RABGAP1L: variants seen among roughly 807,000 people sequenced by gnomAD.
RABGAP1L encodes the protein RAB GTPase activating protein 1 like.
Under a neutral mutation model 137.7 loss-of-function variants are expected in RABGAP1L, and 63 were observed. The ratio of observed to expected loss-of-function variants is 0.46; its 90% confidence interval spans 0.37 to 0.56. The LOEUF (loss-of-function observed/expected upper bound fraction) is 0.56. Ranked by LOEUF, RABGAP1L falls within the 20% of genes least tolerant of loss-of-function variation. The pLI, the probability that RABGAP1L is intolerant of heterozygous loss-of-function variation, is 0.00. For missense variants in RABGAP1L, 1,095 were observed against 1,244.0 expected (o/e 0.88, Z 1.80); for synonymous variants, 431 against 433.7 (o/e 0.99, Z 0.08).
intron 24 of RABGAP1L, among the ~76,000 whole-genome samples, chr1:174,988,105 G>T (rs1263598498): frequency 6.6e-6 from 1 of 152,174 alleles, no homozygotes; most frequent in Non-Finnish European, 1.5e-5. Context: ...CACCAGGCCC[G>T]GCCGGAGTTA....
At chr1:174,457,210 G>T (rs142586022) in intron 13 of RABGAP1L, among the ~76,000 whole-genome samples, 16 of 152,222 alleles carry the variant, frequency 1.1e-4, no homozygotes, top group African/African-American at 3.4e-4. Flanking sequence ...GGATACCACA[G>T]GATATTTGAG....
At chr1:174,273,743 G>T (rs950768073) in intron 8 of RABGAP1L, among the ~76,000 whole-genome samples, 2 of 152,028 alleles carry the variant, frequency 1.3e-5, no homozygotes, top group African/African-American at 2.4e-5. Context: ...TTACTGCAGA[G>T]ATTTGTCCAT....
chr1:174,880,077 A>G lies in RABGAP1L; in HGVS notation c.2340+68117A>G, dbSNP rs1023381065. 1.2e-3 allele frequency among the ~76,000 whole-genome samples: 133 copies of G among 114,374 alleles called. 2 individuals are homozygous for G. The East Asian group carries it at 0.018, about 16-fold the overall frequency. The allele number at this position is 114,374 out of a possible 152,430, so 75.0% of individuals were successfully genotyped here. A position where few individuals can be genotyped will look rare whatever the true frequency, so the allele number is the denominator to read the frequency against. ...AAGACTCTGTCTCAAAAAAAAAAAA[A>G]GGAAAAAAAAACACCATAATATCTT... On this transcript the variant is annotated intron_variant, in intron 19 of 25. Transcript: ENST00000681986.
At chr1:174,846,691 A>C (rs1028577464) in intron 19 of RABGAP1L, among the ~76,000 whole-genome samples, 2 of 78,078 alleles carry the variant, frequency 2.6e-5, no homozygotes, top group African/African-American at 6.2e-5. Flanking sequence ...TGCTGAAAAA[A>C]ATGTATATTC....
chr1:174,616,518 G>A (rs1033641515), intron 13 of RABGAP1L, among the ~76,000 whole-genome samples: 2 of 152,140 alleles, frequency 1.3e-5, no homozygotes, highest in African/African-American at 4.8e-5. Context: ...AATTGGTCAT[G>A]GTCGACCTAG....
intron 19 of RABGAP1L, among the ~76,000 whole-genome samples, chr1:174,946,940 A>ATGTGTGTGTGTGTG (rs755558389): frequency 1.6e-5 from 1 of 60,938 alleles, no homozygotes; most frequent in Non-Finnish European, 2.8e-5. Context: ...ATATATATAT[A>ATGTGTGTGTGTGTG]TGTGTGTGTG....
intron 22 of RABGAP1L, among the ~76,000 whole-genome samples, chr1:174,978,274 TTTC>T (rs1670819034): frequency 6.6e-6 from 1 of 152,174 alleles, no homozygotes; most frequent in African/African-American, 2.4e-5. Flanking sequence ...CTAAAGTCAG[TTTC>T]TTTAGTCCCT....
At chr1:174,790,639 GAGAA>G (rs1383790456) in intron 18 of RABGAP1L, among the ~76,000 whole-genome samples, 3 of 150,264 alleles carry the variant, frequency 2.0e-5, no homozygotes, top group African/African-American at 4.9e-5. Context: ...AAAAAGAAAA[GAGAA>G]AGCCTCTGTG....
intron 13 of RABGAP1L, among the ~76,000 whole-genome samples, chr1:174,635,466 A>T (rs868423165): frequency 9.2e-5 from 14 of 152,334 alleles, no homozygotes; most frequent in Middle Eastern, 3.4e-3. Context: ...TCAAGACTCC[A>T]GACAAGATAA....
At chr1:174,196,227 C>CT (rs758258710) in intron 1 of RABGAP1L, among the ~76,000 whole-genome samples, 3,598 of 141,046 alleles carry the variant, frequency 0.026, 70 homozygotes, top group Middle Eastern at 0.1. Context: ...TTCTTTCTTT[C>CT]TTTTTTTTTT....
chr1:174,275,980 T>G (rs374751630), intron 9 of RABGAP1L, 45 bp downstream of exon 9: 112 of 1,487,470 alleles, frequency 7.5e-5, no homozygotes, highest in Non-Finnish European at 1.0e-4. Context: ...TTACATTTTA[T>G]ATTATGAACA....
chr1:174,402,511 C>T lies in RABGAP1L; in HGVS notation c.1710+8366C>T, dbSNP rs549836905. 5.9e-5 allele frequency among the ~76,000 whole-genome samples: 9 copies of T among 152,276 alleles called. 1 individual carries two copies. The highest frequency in any genetic ancestry group is 2.2e-4 in the African/African-American group (9 of 41,566). ...AGTTCTAAAGCGCCTAACTTCAAGT[C>T]ATCTCTTTTAAGATGAGTCTTGAGC... On this transcript the variant is annotated intron_variant, in intron 13 of 25. Coordinates refer to ENST00000681986, the MANE Select transcript of RABGAP1L (RefSeq NM_001366446.1).
chr1:174,232,020 A>G (rs182083162), intron 4 of RABGAP1L, among the ~76,000 whole-genome samples: 37 of 152,320 alleles, frequency 2.4e-4, no homozygotes, highest in African/African-American at 7.5e-4. Flanking sequence ...AAATACTTGT[A>G]ATATTTATTT....
intron 11 of RABGAP1L, among the ~76,000 whole-genome samples, chr1:174,325,902 G>A (rs972964191): frequency 6.6e-6 from 1 of 152,206 alleles, no homozygotes; most frequent in African/African-American, 2.4e-5. Flanking sequence ...GGACTTGAGG[G>A]CCTGACTGGC....
intron 18 of RABGAP1L, among the ~76,000 whole-genome samples, chr1:174,791,719 A>G (rs774168986): frequency 6.6e-6 from 1 of 152,246 alleles, no homozygotes; most frequent in Admixed American, 6.5e-5. Context: ...AGCCTGTGCC[A>G]CTAACATGGC....
chr1:174,385,340 C>G (rs1686670181), intron 12 of RABGAP1L, among the ~76,000 whole-genome samples: 2 of 152,122 alleles, frequency 1.3e-5, no homozygotes, highest in African/African-American at 4.8e-5. Context: ...GCTGTTTACT[C>G]AAATATAGAA....
At chr1:174,194,253 G>A (rs1405695199) in intron 1 of RABGAP1L, among the ~76,000 whole-genome samples, 1 of 143,424 alleles carries the variant, frequency 7.0e-6, no homozygotes, top group East Asian at 2.0e-4. Flanking sequence ...TTTTTTTTTG[G>A]AGACGGAGTC....
At chr1:174,621,299 A>G (rs141081282) in intron 13 of RABGAP1L, among the ~76,000 whole-genome samples, 3,446 of 152,332 alleles carry the variant, frequency 0.023, 62 homozygotes, top group Middle Eastern at 0.085. Context: ...TATAGATTCA[A>G]TGCCATCCCC....
At chr1:174,462,280 T>C (rs1656775075) in intron 13 of RABGAP1L, among the ~76,000 whole-genome samples, 1 of 152,210 alleles carries the variant, frequency 6.6e-6, no homozygotes, top group Non-Finnish European at 1.5e-5. Context: ...ATTACATATT[T>C]TGGTAGTTAT....
Sources: gnomAD v4.1 joint callset for allele counts (sites outside exome capture counted in the v4.1 genomes callset) on GRCh38, gnomAD v4.1.1 for gene constraint, MANE v1.5 for transcripts, NCBI Gene and HGNC (gene_info 2026-07-23, HGNC 2026-07-21) for gene names.